Variants in ZNF487 observed in about 807,000 individuals in gnomAD.
ZNF487 encodes the protein zinc finger protein 487.
ZNF487 carries 4 observed loss-of-function variants against 3.0 expected under a neutral mutation model. That is an observed-to-expected ratio of 1.35 (90% CI 0.66 to 3.08). The LOEUF is 3.08. Ranked by LOEUF, ZNF487 falls within the 30% of genes most tolerant of loss-of-function variation. The probability of loss-of-function intolerance (pLI) is 0.01; values close to 1 mark genes in which losing one functional copy is unlikely to be tolerated. For missense variants in ZNF487, 146 were observed against 98.7 expected, an observed-to-expected ratio of 1.48 and a Z score of -2.03; for synonymous variants, 55 against 34.6, an observed-to-expected ratio of 1.59 and a Z score of -2.06.
At chr10:43,523,413 A>G in the ZNF487 span, 1 of 152,246 alleles carries the variant, frequency 6.6e-6, no homozygotes, top group Non-Finnish European at 1.5e-5. Flanking sequence ...CCTGATAAAT[A>G]TGACTTATGT....
intron 3 of ZNF487, among the ~76,000 whole-genome samples, chr10:43,479,987 C>CT (rs757833447): frequency 1.7e-5 from 1 of 57,690 alleles, no homozygotes; most frequent in African/African-American, 4.0e-5. Context: ...TTCTTTCCTT[C>CT]TTTCTTTCTT....
chr10:43,493,360 A>T, the ZNF487 span, among the ~76,000 whole-genome samples: 1 of 151,892 alleles, frequency 6.6e-6, no homozygotes, highest in African/African-American at 2.4e-5. Context: ...TGTGGAAACC[A>T]CTGCTTTATT....
the ZNF487 span, among the ~76,000 whole-genome samples, chr10:43,514,090 G>A: frequency 2.0e-5 from 3 of 152,138 alleles, no homozygotes; most frequent in Admixed American, 6.5e-5. Flanking sequence ...ACTGGCTCAA[G>A]TCTGGAAATT....
At chr10:43,518,026 C>G in the ZNF487 span, among the ~76,000 whole-genome samples, 3 of 152,140 alleles carry the variant, frequency 2.0e-5, no homozygotes, top group Non-Finnish European at 2.9e-5. Context: ...TGTCCTAAAC[C>G]TGGCCAAAAA....
At chr10:43,473,161 G>A (rs1840967440) in intron 1 of ZNF487, among the ~76,000 whole-genome samples, 1 of 149,478 alleles carries the variant, frequency 6.7e-6, no homozygotes, top group Admixed American at 6.6e-5. Flanking sequence ...AGACTGGAGT[G>A]CAGTGGCATG....
chr10:43,504,291 TTC>T, the ZNF487 span, among the ~76,000 whole-genome samples: 1 of 75,590 alleles, frequency 1.3e-5, no homozygotes, highest in Non-Finnish European at 2.7e-5. Flanking sequence ...CTTTCTTTCT[TTC>T]TTTTTTTTTT....
chr10:43,491,363 G>C, the ZNF487 span, among the ~76,000 whole-genome samples: 1 of 151,592 alleles, frequency 6.6e-6, no homozygotes, highest in Non-Finnish European at 1.5e-5. Context: ...TTTGTGTCCT[G>C]TTCTCCAGGT....
intron 1 of ZNF487, among the ~76,000 whole-genome samples, chr10:43,467,044 A>AT (rs1001081472): frequency 2.5e-4 from 37 of 146,508 alleles, no homozygotes; most frequent in Non-Finnish European, 3.5e-4. Flanking sequence ...ATTGTTTTGT[A>AT]TTTTTTTTTT....
At chr10:43,444,506 G>A (rs1288288649) in intron 1 of ZNF487, among the ~76,000 whole-genome samples, 1 of 152,088 alleles carries the variant, frequency 6.6e-6, no homozygotes, top group South Asian at 2.1e-4. Flanking sequence ...TGCCGGGCGT[G>A]GTGGCTTTCC....
At chr10:43,469,472 C>T (rs756898413) in intron 1 of ZNF487, among the ~76,000 whole-genome samples, 2 of 151,980 alleles carry the variant, frequency 1.3e-5, no homozygotes, top group Non-Finnish European at 2.9e-5. Context: ...GGATTACAGG[C>T]GTGAGCCACC....
chr10:43,490,121 G>A, the ZNF487 span, among the ~76,000 whole-genome samples: 1 of 152,180 alleles, frequency 6.6e-6, no homozygotes, highest in Non-Finnish European at 1.5e-5. Context: ...GGCCGAAGGC[G>A]GGTGGATCGC....
the ZNF487 span, among the ~76,000 whole-genome samples, chr10:43,492,962 G>A: frequency 6.6e-5 from 10 of 152,168 alleles, no homozygotes; most frequent in Admixed American, 1.3e-4. Flanking sequence ...CAGGCGTGGT[G>A]GCTCATGCCT....
At chr10:43,454,929 C>A (rs1026549387) in intron 1 of ZNF487, among the ~76,000 whole-genome samples, 1 of 124,220 alleles carries the variant, frequency 8.1e-6, no homozygotes, top group African/African-American at 3.1e-5. Flanking sequence ...CAGAGCCAGA[C>A]CTTGTCTCAA....
chr10:43,460,542 A>C (rs1424472088), intron 1 of ZNF487, among the ~76,000 whole-genome samples: 1 of 149,188 alleles, frequency 6.7e-6, no homozygotes, highest in Non-Finnish European at 1.5e-5. Context: ...TGCCCAGCTA[A>C]TTTTTTGTAT....
intron 1 of ZNF487, among the ~76,000 whole-genome samples, chr10:43,467,441 G>A (rs1239126959): frequency 6.6e-6 from 1 of 151,934 alleles, no homozygotes; most frequent in East Asian, 1.9e-4. Context: ...CTGACCTCGT[G>A]ATCTGCCTGC....
chr10:43,443,485 T>G lies in ZNF487; in HGVS notation c.-94+6223T>G, dbSNP rs370864768. On this transcript the variant is annotated intron_variant, in intron 1 of 3. Transcript: ENST00000437590. The stretch of plus-strand genomic sequence containing the variant: ...CCCTACCGGGTTCAAGAGATTCTCC[T>G]GCCTCAGCCTCCCAAGTAGCTGGGA... Among the ~76,000 whole-genome samples the G allele has an allele frequency of 2.0e-5, 3 of 151,404 alleles. No homozygotes were observed. In the South Asian group the frequency reaches 6.3e-4, roughly 32 times the overall value.
At chr10:43,466,877 AT>A (rs879363810) in intron 1 of ZNF487, among the ~76,000 whole-genome samples, 29 of 149,568 alleles carry the variant, frequency 1.9e-4, no homozygotes, top group Admixed American at 4.0e-4. Context: ...TCAAGGAGTA[AT>A]TTTTTTTTTG....
chr10:43,504,872 A>G, the ZNF487 span, among the ~76,000 whole-genome samples: 3 of 150,856 alleles, frequency 2.0e-5, no homozygotes, highest in Non-Finnish European at 3.0e-5. Flanking sequence ...ACGCCTGGCT[A>G]ATTTTTTGTA....
At chr10:43,442,366 T>C in intron 1 of ZNF487, among the ~76,000 whole-genome samples, 1 of 152,180 alleles carries the variant, frequency 6.6e-6, no homozygotes, top group African/African-American at 2.4e-5. Context: ...CTGACGTCTT[T>C]ATTCTATTGA....
Sources: gnomAD v4.1 joint callset for allele counts (sites outside exome capture counted in the v4.1 genomes callset) on GRCh38, gnomAD v4.1.1 for gene constraint, MANE v1.5 for transcripts, NCBI Gene and HGNC (gene_info 2026-07-23, HGNC 2026-07-21) for gene names.